Variants in VAV2 observed in about 807,000 individuals in gnomAD.
The protein encoded by VAV2 is guanine nucleotide exchange factor VAV2.
VAV2 carries 67 observed loss-of-function variants against 132.5 expected under a neutral mutation model. That is an observed-to-expected ratio of 0.51 (90% CI 0.42 to 0.62). The LOEUF is 0.62. VAV2 is among the 20% of genes least tolerant of loss of function. The pLI, the probability that VAV2 is intolerant of heterozygous loss-of-function variation, is 0.00. For missense variants in VAV2, 938 were observed against 1,153.6 expected (o/e 0.81, Z 2.71); for synonymous variants, 492 against 443.5 (o/e 1.11, Z -1.37).
At position 133,848,234 on chromosome 9, in the gene VAV2, C is replaced by T. The variant is rs768916753; in HGVS notation, c.380+13140G>A. 6.5e-4 allele frequency among the ~76,000 whole-genome samples: 93 copies of T among 142,560 alleles called. 2 individuals carry two copies. The highest frequency in any genetic ancestry group is 9.6e-4 in the Non-Finnish European group (64 of 66,504). 93.5% of individuals were successfully genotyped at this position (142,560 alleles called of 152,430 possible). On this transcript the variant is annotated intron_variant, in intron 3 of 29. Coordinates refer to ENST00000371850, the MANE Select transcript of VAV2 (RefSeq NM_001134398.2). ...GGCGGAGCTTGCAGTGAGCCGAGAT[C>T]GCGCCATTGCACTCCAGCCTGGGCG...
chr9:133,775,950 C>G (rs756812), intron 24 of VAV2, 78 bp downstream of exon 24: 52,734 of 1,510,516 alleles, frequency 0.035, 2,431 homozygotes, highest in African/African-American at 0.22. Flanking sequence ...CTCACAGGCA[C>G]CACCCAGACC....
chr9:133,926,309 CT>C lies in VAV2; in HGVS notation c.321+12793del, dbSNP rs1373082057. The C allele has an allele frequency of 6.5e-6, 1 of 152,680 alleles. No individual in the cohort carries two copies. Among genetic ancestry groups the C allele is most frequent in the East Asian group, 1.9e-4 (1 of 5,186 alleles). The allele number at this position is 152,680 out of a possible 1,614,324, so 9.5% of individuals were successfully genotyped here. On this transcript the variant is annotated intron_variant, in intron 2 of 29. Coordinates refer to ENST00000371850, the MANE Select transcript of VAV2 (RefSeq NM_001134398.2). This position sits in a 1 kb window ranked among gnomAD's most constrained non-coding sequence, Gnocchi z 4.3. Reference sequence around the variant, plus strand: ...TGCCACCACTGCCACCCAGAGGCCCCTCTTCCCAGAGCCAAGTCCTAAGAGG... The same window carrying C: ...TGCCACCACTGCCACCCAGAGGCCCCCTTCCCAGAGCCAAGTCCTAAGAGG...
intron 2 of VAV2, among the ~76,000 whole-genome samples, chr9:133,893,493 T>C (rs1354933863): frequency 6.6e-6 from 1 of 152,180 alleles, no homozygotes; most frequent in Non-Finnish European, 1.5e-5. Context: ...CACGGCCGCC[T>C]ACCAGGGGCG....
intron 1 of VAV2, among the ~76,000 whole-genome samples, chr9:133,979,915 C>T (rs12337634): frequency 6.6e-6 from 1 of 152,208 alleles, no homozygotes; most frequent in Non-Finnish European, 1.5e-5. Flanking sequence ...TCTCTCTCAT[C>T]TGAAAGTGCC....
intron 1 of VAV2, among the ~76,000 whole-genome samples, chr9:133,942,281 A>C (rs555403613): frequency 6.6e-6 from 1 of 152,352 alleles, no homozygotes; most frequent in African/African-American, 2.4e-5. Flanking sequence ...AGCCACTCCA[A>C]GGGTGGCCAC....
intron 8 of VAV2, among the ~76,000 whole-genome samples, chr9:133,806,759 C>T (rs1361715068): frequency 6.6e-6 from 1 of 152,244 alleles, no homozygotes; most frequent in African/African-American, 2.4e-5. Context: ...CTGTGGCCGC[C>T]AGGCCAGGAG....
At chr9:133,977,236 C>T (rs552974324) in intron 1 of VAV2, among the ~76,000 whole-genome samples, 2 of 152,236 alleles carry the variant, frequency 1.3e-5, no homozygotes, top group South Asian at 2.1e-4. Flanking sequence ...GCCTGGTGTC[C>T]ATTTGAGGAG....
intron 4 of VAV2, among the ~76,000 whole-genome samples, chr9:133,812,994 C>G (rs900493510): frequency 6.6e-6 from 1 of 152,180 alleles, no homozygotes; most frequent in African/African-American, 2.4e-5. Context: ...TGAGCCTGGC[C>G]CCTCCCCACA....
chr9:133,801,616 G>A lies in VAV2; in HGVS notation c.837-3807C>T, dbSNP rs910780348. On this transcript the variant is annotated intron_variant, in intron 9 of 29. Transcript: ENST00000371850. The stretch of plus-strand genomic sequence containing the variant: ...GGCAGCTGGTGATGGAGAGGGCCTC[G>A]GACCAGAACTCGGCTGCAGTGGGTC... Among the ~76,000 whole-genome samples, 14 of 152,202 alleles carry A rather than the reference G, an allele frequency of 9.2e-5. 1 individual carries two copies. The highest frequency in any genetic ancestry group is 7.9e-4 in the Admixed American group (12 of 15,284).
chr9:133,908,619 G>C (rs1429799657), intron 2 of VAV2, among the ~76,000 whole-genome samples: 2 of 152,144 alleles, frequency 1.3e-5, no homozygotes, highest in African/African-American at 4.8e-5. Context: ...TTCCTTGGAA[G>C]TCTGGAATCT....
chr9:133,800,261 C>T (rs1834879377), intron 9 of VAV2, among the ~76,000 whole-genome samples: 1 of 152,230 alleles, frequency 6.6e-6, no homozygotes, highest in African/African-American at 2.4e-5. Context: ...CCCCAGCCCA[C>T]CCCTGTGGCC....
At chr9:133,780,323 G>C (rs536698909) in intron 20 of VAV2, among the ~76,000 whole-genome samples, 48 of 152,280 alleles carry the variant, frequency 3.2e-4, no homozygotes, top group Middle Eastern at 3.4e-3. Flanking sequence ...CCCATAGCTC[G>C]AGGGGCACAC....
chr9:133,774,693 G>T (rs1214808190), intron 25 of VAV2, among the ~76,000 whole-genome samples: 3 of 152,136 alleles, frequency 2.0e-5, no homozygotes, highest in Non-Finnish European at 4.4e-5. Context: ...CAGCCCACAG[G>T]GCAGCCAGGA....
chr9:133,969,357 G>T lies in VAV2; in HGVS notation c.204+22718C>A, dbSNP rs1842251954. Among the ~76,000 whole-genome samples the T allele has an allele frequency of 6.6e-6, 1 of 152,136 alleles. No individual in the cohort carries two copies. Among genetic ancestry groups the T allele is most frequent in the African/African-American group, 2.4e-5 (1 of 41,414 alleles). On this transcript the variant is annotated intron_variant, in intron 1 of 29. Coordinates refer to ENST00000371850, the MANE Select transcript of VAV2 (RefSeq NM_001134398.2). This position sits in a 1 kb window ranked among gnomAD's most constrained non-coding sequence, Gnocchi z 5.1. ...TGCCAATCAGACGTCTCTCTCCAGG[G>T]ATCTGACAGTGCCAGAGGCTGCTAA... is the stretch of plus-strand genomic sequence containing the variant.
At chr9:133,764,699 C>G (rs1833378399) in intron 29 of VAV2, among the ~76,000 whole-genome samples, 1 of 151,934 alleles carries the variant, frequency 6.6e-6, no homozygotes. Flanking sequence ...CAGAAAGTGA[C>G]TAGATAGAAA....
At chr9:133,924,599 G>A (rs1163022520) in intron 2 of VAV2, among the ~76,000 whole-genome samples, 1 of 152,212 alleles carries the variant, frequency 6.6e-6, no homozygotes, top group African/African-American at 2.4e-5. Context: ...CAGCAGGCCT[G>A]CCCCTGAGCT....
rs1219755312 is a variant in VAV2 at position 133,937,380 on chromosome 9, G to A, written c.321+1723C>T. On this transcript the variant is annotated intron_variant, in intron 2 of 29. Transcript: ENST00000371850. Reference sequence around the variant, plus strand: ...GTGTATGTGTGTTTGTGTGTGGTGTGTCCATGGATGTCTGTGTCAATGTGT... The same window carrying A: ...GTGTATGTGTGTTTGTGTGTGGTGTATCCATGGATGTCTGTGTCAATGTGT... Among the ~76,000 whole-genome samples, 4 of 150,292 alleles carry A rather than the reference G, an allele frequency of 2.7e-5. No homozygotes were observed. In the South Asian group the frequency reaches 8.3e-4, roughly 31 times the overall value.
intron 4 of VAV2, among the ~76,000 whole-genome samples, chr9:133,817,595 T>C (rs1168418935): frequency 1.3e-5 from 2 of 151,980 alleles, no homozygotes; most frequent in African/African-American, 2.4e-5. Context: ...GAGACAAGAG[T>C]GAAACTCTGT....
Position 133,884,222 on chromosome 9 carries a change from C to T in VAV2, c.322-22790G>A, listed in dbSNP as rs1483155946. Reference sequence around the variant, plus strand: ...ATCCAAAATAAATGGTAACCAACCCCCACGTGCACACGTGCAATGAAGCCA... The same window carrying T: ...ATCCAAAATAAATGGTAACCAACCCTCACGTGCACACGTGCAATGAAGCCA... On this transcript the variant is annotated intron_variant, in intron 2 of 29. Coordinates refer to ENST00000371850, the MANE Select transcript of VAV2 (RefSeq NM_001134398.2). This position sits in a 1 kb window ranked among gnomAD's most constrained non-coding sequence, Gnocchi z 5.3. Among the ~76,000 whole-genome samples the T allele has an allele frequency of 6.6e-6, 1 of 152,162 alleles. No homozygotes were observed. The highest frequency in any genetic ancestry group is 1.5e-5 in the Non-Finnish European group (1 of 68,034).
Sources: allele counts gnomAD v4.1 joint callset (sites outside exome capture counted in the v4.1 genomes callset), GRCh38; gene constraint gnomAD v4.1.1; non-coding constraint Gnocchi (gnomAD v3.1); transcripts MANE v1.5; gene names NCBI Gene and HGNC (gene_info 2026-07-23, HGNC 2026-07-21).